SLC35F1: variants seen among roughly 807,000 people sequenced by gnomAD.
The protein encoded by SLC35F1 is chromosome 6 open reading frame 169.
A neutral mutation model predicts 48.7 loss-of-function variants in SLC35F1; 14 were observed. The ratio of observed to expected loss-of-function variants is 0.29; its 90% confidence interval spans 0.19 to 0.45. SLC35F1 has a LOEUF of 0.45. SLC35F1 is among the 20% of genes least tolerant of loss of function. SLC35F1 has a pLI of 1.00. For missense variants in SLC35F1, 404 were observed against 500.0 expected, an observed-to-expected ratio of 0.81 and a Z score of 1.83; for synonymous variants, 190 against 202.2, an observed-to-expected ratio of 0.94 and a Z score of 0.51.
In SLC35F1 at chr6:118,276,618, A is replaced by C. The variant is rs1775921390; in HGVS notation, c.795-876A>C. On this transcript the variant is annotated intron_variant, in intron 5 of 7. Transcript: ENST00000360388. The stretch of plus-strand genomic sequence containing the variant: ...AGTGATGGCATTTTAAAGCTCCTAA[A>C]TTTTGTGCTTCAGCTTTGTGAAAGG... Among the ~76,000 whole-genome samples, 3 of 152,164 alleles carry C rather than the reference A, an allele frequency of 2.0e-5. No individual in the cohort carries two copies. In the South Asian group the frequency reaches 6.2e-4, roughly 32 times the overall value.
At chr6:118,061,268 A>C (rs1411293495) in intron 1 of SLC35F1, among the ~76,000 whole-genome samples, 1 of 152,242 alleles carries the variant, frequency 6.6e-6, no homozygotes, top group Non-Finnish European at 1.5e-5. Flanking sequence ...CATAGCAATT[A>C]GATTTAATGA....
At position 117,923,691 on chromosome 6, in the gene SLC35F1, GTACATATACATATATGTACATATA is replaced by G. The variant is rs1775955592; in HGVS notation, c.173+15801_173+15824del. ...TACATATATGTACATATATACATATGTACATATACATATATGTACATATATACATATATACATATGTATATATAC... is the reference window on the plus strand; with the variant it reads ...TACATATATGTACATATATACATATGTACATATATACATATGTATATATAC... On this transcript the variant is annotated intron_variant, in intron 1 of 7. Transcript: ENST00000360388. Among the ~76,000 whole-genome samples the G allele has an allele frequency of 8.1e-4, 6 of 7,422 alleles. 1 individual carries two copies. The highest frequency in any genetic ancestry group is 1.4e-3 in the Non-Finnish European group (4 of 2,924). 4.9% of individuals were successfully genotyped at this position (7,422 alleles called of 152,430 possible).
chr6:118,196,552 C>T (rs1265124309), intron 2 of SLC35F1, among the ~76,000 whole-genome samples: 1 of 151,862 alleles, frequency 6.6e-6, no homozygotes, highest in Admixed American at 6.6e-5. Context: ...CTCATCTCTA[C>T]TAAAGATACA....
rs1200563844 is a variant in SLC35F1, at chr6:118,071,478, C to T, written c.174-82967C>T. The stretch of plus-strand genomic sequence containing the variant: ...CAGCTCCAATTATGGTTGTTCCTCT[C>T]TGGTCTCTGCTGCACAACTGCCATC... On this transcript the variant is annotated intron_variant, in intron 1 of 7. Transcript: ENST00000360388. 3.9e-5 allele frequency among the ~76,000 whole-genome samples: 6 copies of T among 152,092 alleles called. No homozygotes were observed. In the East Asian group the frequency reaches 5.8e-4, roughly 15 times the overall value.
chr6:118,134,085 A>G (rs1331095204), intron 1 of SLC35F1, among the ~76,000 whole-genome samples: 1 of 152,248 alleles, frequency 6.6e-6, no homozygotes, highest in Non-Finnish European at 1.5e-5. Context: ...TGAAAGTTTG[A>G]ATCCTTATGA....
At chr6:118,202,961 C>A (rs780665626) in intron 2 of SLC35F1, among the ~76,000 whole-genome samples, 1 of 152,156 alleles carries the variant, frequency 6.6e-6, no homozygotes, top group Non-Finnish European at 1.5e-5. Flanking sequence ...GTGTTTATTC[C>A]TTTATAACAA....
At position 117,957,824 on chromosome 6, in the gene SLC35F1, C is replaced by T. The variant is rs540677793; in HGVS notation, c.173+49925C>T. On this transcript the variant is annotated intron_variant, in intron 1 of 7. Transcript: ENST00000360388. ...ATAGCACATACAATTATGTACACTACGTAATACTTGATAATAAGTGAACAA... is the reference window on the plus strand; with the variant it reads ...ATAGCACATACAATTATGTACACTATGTAATACTTGATAATAAGTGAACAA... 1.5e-4 allele frequency among the ~76,000 whole-genome samples: 23 copies of T among 152,280 alleles called. No individual in the cohort carries two copies. The East Asian group carries it at 3.1e-3, about 20-fold the overall frequency.
At chr6:118,115,522 T>C (rs1773466006) in intron 1 of SLC35F1, among the ~76,000 whole-genome samples, 1 of 152,206 alleles carries the variant, frequency 6.6e-6, no homozygotes, top group Admixed American at 6.5e-5. Context: ...TTTGGGGGGT[T>C]TCCCACCAGA....
chr6:118,111,678 G>A (rs1773402603), intron 1 of SLC35F1, among the ~76,000 whole-genome samples: 1 of 152,070 alleles, frequency 6.6e-6, no homozygotes, highest in African/African-American at 2.4e-5. Context: ...ATCAATGAAT[G>A]TAAAATAAAA....
chr6:118,140,791 G>A (rs552202303), intron 1 of SLC35F1, among the ~76,000 whole-genome samples: 22 of 151,978 alleles, frequency 1.4e-4, no homozygotes, highest in African/African-American at 4.8e-4. Flanking sequence ...TGTAGGCCTA[G>A]GCTAATGTGT....
intron 1 of SLC35F1, among the ~76,000 whole-genome samples, chr6:117,962,723 G>A (rs1776515032): frequency 6.6e-6 from 1 of 152,174 alleles, no homozygotes; most frequent in South Asian, 2.1e-4. Flanking sequence ...GTACTCCTGG[G>A]GGATCAAAGA....
intron 3 of SLC35F1, among the ~76,000 whole-genome samples, chr6:118,245,524 C>T (rs1582749809): frequency 6.6e-6 from 1 of 152,302 alleles, no homozygotes; most frequent in Non-Finnish European, 1.5e-5. Flanking sequence ...CTGCTGCTCT[C>T]TCCTCCCAGC....
chr6:118,103,982 T>C (rs567832062), intron 1 of SLC35F1, among the ~76,000 whole-genome samples: 5 of 152,308 alleles, frequency 3.3e-5, no homozygotes, highest in South Asian at 2.1e-4. Context: ...AGTAAACACA[T>C]TGAAATGCTT....
At chr6:118,121,322 C>T (rs143087190) in intron 1 of SLC35F1, among the ~76,000 whole-genome samples, 1 of 152,282 alleles carries the variant, frequency 6.6e-6, no homozygotes, top group Non-Finnish European at 1.5e-5. Context: ...CCTCTGAAAA[C>T]ACGTTGTAAT....
intron 1 of SLC35F1, among the ~76,000 whole-genome samples, chr6:118,036,711 C>T (rs1772136415): frequency 6.6e-6 from 1 of 152,150 alleles, no homozygotes; most frequent in African/African-American, 2.4e-5. Flanking sequence ...GTGCATGCCA[C>T]CATACCAGGC....
rs370856702 is a variant in SLC35F1, at chr6:118,312,125, C to G, written c.1003-1903C>G. Among the ~76,000 whole-genome samples the G allele has an allele frequency of 2.2e-4, 34 of 152,326 alleles. No homozygotes were observed. The East Asian group carries it at 4.8e-3, about 22-fold the overall frequency. Reference sequence around the variant, plus strand: ...CTTGGTGGTTAGAATGCAGTGATAACTATAAAGCGCTCATTCTTCATCTCT... The same window carrying G: ...CTTGGTGGTTAGAATGCAGTGATAAGTATAAAGCGCTCATTCTTCATCTCT... On this transcript the variant is annotated intron_variant, in intron 7 of 7. Transcript: ENST00000360388.
chr6:117,962,891 G>C (rs1173319734), intron 1 of SLC35F1, among the ~76,000 whole-genome samples: 1 of 152,194 alleles, frequency 6.6e-6, no homozygotes, highest in East Asian at 1.9e-4. Flanking sequence ...GGGACAGTGT[G>C]TTAGAGCTTG....
At chr6:117,923,838 T>TG (rs1375602191) in intron 1 of SLC35F1, among the ~76,000 whole-genome samples, 1 of 133,604 alleles carries the variant, frequency 7.5e-6, no homozygotes, top group Non-Finnish European at 1.6e-5. Context: ...CATATACACA[T>TG]TACATATATG....
chr6:117,922,270 G>T (rs1582562944), intron 1 of SLC35F1, among the ~76,000 whole-genome samples: 1 of 152,130 alleles, frequency 6.6e-6, no homozygotes, highest in Non-Finnish European at 1.5e-5. Context: ...AAGTAAGCAT[G>T]GGGAAGGGAG....
Sources: gnomAD v4.1 joint callset for allele counts (sites outside exome capture counted in the v4.1 genomes callset) on GRCh38, gnomAD v4.1.1 for gene constraint, MANE v1.5 for transcripts, NCBI Gene and HGNC (gene_info 2026-07-23, HGNC 2026-07-21) for gene names.